Variants in NARF observed in about 807,000 individuals in gnomAD.
NARF encodes the protein iron-only hydrogenase-like protein 2.
NARF carries 41 observed loss-of-function variants against 48.0 expected under a neutral mutation model. The ratio of observed to expected loss-of-function variants is 0.85; its 90% CI spans 0.66 to 1.11. The LOEUF (loss-of-function observed/expected upper bound fraction) is 1.11, where lower values mean the gene tolerates loss of function less well. NARF is among the 50% of genes least tolerant of loss of function. The pLI is 0.00. For missense variants in NARF, 613 were observed against 590.2 expected, an observed-to-expected ratio of 1.04 and a Z score of -0.40; for synonymous variants, 215 against 225.5, an observed-to-expected ratio of 0.95 and a Z score of 0.42.
chr17:82,482,247 T>A (rs750939541), intron 7 of NARF: 2 of 434,770 alleles, frequency 4.6e-6, no homozygotes, highest in South Asian at 3.2e-5. Context: ...GGCCCCTGAC[T>A]TGAAATTCTA....
chr17:82,471,404 G>A (rs1172443188), intron 4 of NARF, among the ~76,000 whole-genome samples: 4 of 148,240 alleles, frequency 2.7e-5, no homozygotes, highest in Admixed American at 6.8e-5. Context: ...GCAGTGAGCC[G>A]AGATCACGCC....
chr17:82,484,737 A>G lies in NARF; in HGVS notation c.834-76A>G, dbSNP rs1004849603. ...GGCGAACTTGGATTGTGATGCCCTC[A>G]GGAAGTCTGGTTTCACTCTTTCTGT... On this transcript the variant is annotated intron_variant, in intron 8 of 10. Transcript: ENST00000309794. 5 of 1,489,258 alleles carry G rather than the reference A, an allele frequency of 3.4e-6. No individual in the cohort carries two copies. In the African/African-American group the frequency reaches 7.1e-5, roughly 21 times the overall value. The allele number at this position is 1,489,258 out of a possible 1,614,324, so 92.3% of individuals were successfully genotyped here. A position where few individuals can be genotyped will look rare whatever the true frequency, so the allele number is the denominator to read the frequency against.
At position 82,488,172 on chromosome 17, in the gene NARF, C is replaced by G; in HGVS notation, c.*15C>G. On this transcript the variant is annotated 3_prime_UTR_variant, in exon 11 of 11. Transcript: ENST00000309794. Reference sequence around the variant, plus strand: ...TCAAGTGGTGAAGTCAGGCCAGGGCCTTCCAGCTGCTCTTGGGGCCAGAGC... The same window carrying G: ...TCAAGTGGTGAAGTCAGGCCAGGGCGTTCCAGCTGCTCTTGGGGCCAGAGC... The G allele has an allele frequency of 6.2e-7, 1 of 1,609,196 alleles. No individual in the cohort carries two copies. The highest frequency in any genetic ancestry group is 8.5e-7 in the Non-Finnish European group (1 of 1,176,452).
chr17:82,474,272 C>T (rs577858001), intron 5 of NARF, among the ~76,000 whole-genome samples: 2 of 152,082 alleles, frequency 1.3e-5, no homozygotes, highest in Admixed American at 6.5e-5. Flanking sequence ...GTATCTTTTG[C>T]CAGCTTAAAA....
At position 82,490,060 on chromosome 17, in the gene NARF, T is replaced by G. The variant is rs2044170976; in HGVS notation, c.*1903T>G. The stretch of plus-strand genomic sequence containing the variant: ...GCCGGTCAGGCTGGAATTTCTGACC[T>G]CAGGTGATCCAACCACCTCAGCCTC... On this transcript the variant is annotated 3_prime_UTR_variant, in exon 11 of 11. Coordinates refer to ENST00000309794, the MANE Select transcript of NARF (RefSeq NM_012336.4). The G allele has an allele frequency of 6.6e-6, 1 of 152,246 alleles. No individual in the cohort carries two copies. Among genetic ancestry groups the G allele is most frequent in the Non-Finnish European group, 1.5e-5 (1 of 68,052 alleles). 9.4% of individuals were successfully genotyped at this position (152,246 alleles called of 1,614,324 possible).
chr17:82,487,855 G>A, intron 10 of NARF, 61 bp from the exon 11 acceptor site: 1 of 1,566,700 alleles, frequency 6.4e-7, no homozygotes, highest in Non-Finnish European at 8.7e-7. Context: ...TAGCTGCTCA[G>A]GAAGCTAAGG....
At chr17:82,470,260 G>T (rs2043667834) in intron 4 of NARF, among the ~76,000 whole-genome samples, 1 of 152,072 alleles carries the variant, frequency 6.6e-6, no homozygotes, top group African/African-American at 2.4e-5. Context: ...CTGAAACCCA[G>T]CTACAGCGAC....
intron 5 of NARF, chr17:82,478,036 T>A (rs1038264145): frequency 1.3e-5 from 2 of 153,214 alleles, no homozygotes; most frequent in African/African-American, 4.8e-5. Flanking sequence ...GTGGCTCTCA[T>A]GTACACAGGT....
chr17:82,478,764 A>C (rs755652180), intron 5 of NARF, 36 bp from the exon 6 acceptor site: 12 of 1,580,822 alleles, frequency 7.6e-6, no homozygotes, highest in Middle Eastern at 1.7e-4. Flanking sequence ...CAGAGGAAGC[A>C]GTAAGGAGCT....
chr17:82,481,052 GC>G (rs752678548), intron 6 of NARF, 29 bp from the exon 7 acceptor site: 2 of 1,612,838 alleles, frequency 1.2e-6, no homozygotes, highest in Admixed American at 3.3e-5. Context: ...CTCTTCACCA[GC>G]CCTAAATATG....
intron 8 of NARF, 26 bp from the exon 9 acceptor site, chr17:82,484,787 G>C: frequency 6.4e-7 from 1 of 1,562,986 alleles, no homozygotes; most frequent in Non-Finnish European, 8.7e-7. Context: ...ATTCATGAAG[G>C]ACTTGTATTT....
In NARF at chr17:82,489,942, C is replaced by T. The variant is rs1248552267; in HGVS notation, c.*1785C>T. On this transcript the variant is annotated 3_prime_UTR_variant, in exon 11 of 11. Coordinates refer to ENST00000309794, the MANE Select transcript of NARF (RefSeq NM_012336.4). ...TCCTGGGTTCAAGCGATTCTCCTGC[C>T]TCAGCCTCTGGAGTAGCTGGGATTA... 1 of 152,334 alleles carries T rather than the reference C, an allele frequency of 6.6e-6. No individual in the cohort carries two copies. The highest frequency in any genetic ancestry group is 1.5e-5 in the Non-Finnish European group (1 of 68,136). The allele number at this position is 152,334 out of a possible 1,614,324, so 9.4% of individuals were successfully genotyped here. A position where few individuals can be genotyped will look rare whatever the true frequency, so the allele number is the denominator to read the frequency against.
chr17:82,471,617 C>A (rs1462829010), intron 4 of NARF, among the ~76,000 whole-genome samples: 1 of 142,882 alleles, frequency 7.0e-6, no homozygotes, highest in South Asian at 2.3e-4. Context: ...ACGGTGAAAC[C>A]CCATCTCTAC....
At chr17:82,480,591 C>A in intron 6 of NARF, 1 of 409,744 alleles carries the variant, frequency 2.4e-6, no homozygotes, top group South Asian at 1.1e-4. Flanking sequence ...ACAGCACTTT[C>A]ATCTGTGGGG....
chr17:82,481,722 C>G (rs185623989), intron 7 of NARF: 18 of 411,054 alleles, frequency 4.4e-5, no homozygotes, highest in African/African-American at 3.7e-4. Context: ...AAGAGTAAAA[C>G]TTTGTCTCAA....
At chr17:82,470,276 C>T (rs1483521556) in intron 4 of NARF, among the ~76,000 whole-genome samples, 1 of 152,082 alleles carries the variant, frequency 6.6e-6, no homozygotes, top group African/African-American at 2.4e-5. Context: ...GCGACAGGTG[C>T]CCACACGTTA....
intron 3 of NARF, 151 bp downstream of exon 3, chr17:82,464,581 C>A: frequency 1.0e-6 from 1 of 979,864 alleles, no homozygotes; most frequent in Non-Finnish European, 1.5e-6. Flanking sequence ...TTTGACCTTC[C>A]AAACCTCTCC....
chr17:82,488,463 C>T lies in NARF; in HGVS notation c.*306C>T, dbSNP rs1445407325. ...CAATCTCAGCTCACTGCAACCTCTG[C>T]CTCCCGGGTTCAAGCGATTCTCTTG... On this transcript the variant is annotated 3_prime_UTR_variant, in exon 11 of 11. Transcript: ENST00000309794. The T allele has an allele frequency of 3.7e-6, 1 of 273,880 alleles. No homozygotes were observed. Among genetic ancestry groups the T allele is most frequent in the Non-Finnish European group, 7.0e-6 (1 of 143,296 alleles). 17.0% of individuals were successfully genotyped at this position (273,880 alleles called of 1,614,324 possible). A position where few individuals can be genotyped will look rare whatever the true frequency, so the allele number is the denominator to read the frequency against.
chr17:82,487,433 G>T lies in NARF; in HGVS notation c.1130-483G>T, dbSNP rs60825050. On this transcript the variant is annotated intron_variant, in intron 10 of 10. Coordinates refer to ENST00000309794, the MANE Select transcript of NARF (RefSeq NM_012336.4). Reference sequence around the variant, plus strand: ...CAGGAGATGGAGGTTGCAGTGAGCCGAGATTAGGCCACTGCACTCCAGCCT... The same window carrying T: ...CAGGAGATGGAGGTTGCAGTGAGCCTAGATTAGGCCACTGCACTCCAGCCT... Among the ~76,000 whole-genome samples the T allele has an allele frequency of 2.5e-3, 367 of 149,490 alleles. 3 individuals are homozygous for T. Among genetic ancestry groups the T allele is most frequent in the African/African-American group, 8.2e-3 (334 of 40,570 alleles).
Sources: allele counts gnomAD v4.1 joint callset (sites outside exome capture counted in the v4.1 genomes callset), GRCh38; gene constraint gnomAD v4.1.1; transcripts MANE v1.5; gene names NCBI Gene and HGNC (gene_info 2026-07-23, HGNC 2026-07-21).